Variants in KCTD8 observed in about 807,000 individuals in gnomAD.
KCTD8 encodes the protein BTB/POZ domain-containing protein KCTD8.
KCTD8 carries 27 observed loss-of-function variants against 31.5 expected under a neutral mutation model. That is an observed-to-expected ratio of 0.86 (90% CI 0.63 to 1.18). KCTD8 has a LOEUF of 1.18. Ranked by LOEUF, KCTD8 falls within the 50% of genes most tolerant of loss-of-function variation. The pLI is 0.00. For missense variants in KCTD8, 658 were observed against 647.7 expected, an observed-to-expected ratio of 1.02 and a Z score of -0.17; for synonymous variants, 290 against 280.0, an observed-to-expected ratio of 1.04 and a Z score of -0.36.
chr4:44,374,267 G>A (rs75280433), intron 1 of KCTD8, among the ~76,000 whole-genome samples: 11,811 of 152,182 alleles, frequency 0.078, 495 homozygotes, highest in South Asian at 0.11. Context: ...AGAGAACAGC[G>A]GGCTGACCTA....
At chr4:44,353,663 C>A (rs895545357) in intron 1 of KCTD8, among the ~76,000 whole-genome samples, 1 of 152,022 alleles carries the variant, frequency 6.6e-6, no homozygotes, top group East Asian at 1.9e-4. Context: ...TCTACTGTCT[C>A]CACTAGTTCA....
intron 1 of KCTD8, among the ~76,000 whole-genome samples, chr4:44,429,295 C>G (rs1721416867): frequency 6.6e-6 from 1 of 151,736 alleles, no homozygotes; most frequent in Admixed American, 6.6e-5. Context: ...ATTTTATTTC[C>G]TAATTTAGGC....
chr4:44,231,389 C>G (rs543739415), intron 1 of KCTD8, among the ~76,000 whole-genome samples: 3 of 152,146 alleles, frequency 2.0e-5, no homozygotes, highest in African/African-American at 4.8e-5. Context: ...GCATTCAACT[C>G]CAGGAAGGGA....
rs1720242433 is a variant in KCTD8 at position 44,387,087 on chromosome 4, A to T, written c.961+60476T>A. On this transcript the variant is annotated intron_variant, in intron 1 of 1. Transcript: ENST00000360029. The stretch of plus-strand genomic sequence containing the variant: ...TAGCATTCCTATATACCAACAGTCA[A>T]ACTAAAAGCAAAATCATGAACAAAC... Among the ~76,000 whole-genome samples, 3 of 151,836 alleles carry T rather than the reference A, an allele frequency of 2.0e-5. No homozygotes were observed. The Admixed American group carries it at 2.0e-4, about 10-fold the overall frequency.
chr4:44,194,815 C>CCCTTCCTT (rs1167841653), intron 1 of KCTD8, among the ~76,000 whole-genome samples: 27 of 94,766 alleles, frequency 2.8e-4, no homozygotes, highest in African/African-American at 1.2e-3. Flanking sequence ...CTCCCTCCCT[C>CCCTTCCTT]CCTTCCTTCC....
intron 1 of KCTD8, among the ~76,000 whole-genome samples, chr4:44,444,165 T>C (rs1721882647): frequency 6.6e-6 from 1 of 152,174 alleles, no homozygotes; most frequent in African/African-American, 2.4e-5. Flanking sequence ...ACCCAGTGAC[T>C]TGGATACAAG....
At chr4:44,416,910 T>G (rs969725004) in intron 1 of KCTD8, among the ~76,000 whole-genome samples, 1 of 152,224 alleles carries the variant, frequency 6.6e-6, no homozygotes, top group Non-Finnish European at 1.5e-5. Flanking sequence ...GGGGAATCAC[T>G]GTAACAATAG....
intron 1 of KCTD8, among the ~76,000 whole-genome samples, chr4:44,181,009 T>C (rs78900315): frequency 0.039 from 5,910 of 152,190 alleles, 405 homozygotes; most frequent in African/African-American, 0.14. Context: ...GTAAGTATAG[T>C]CCTAGAAAAC....
intron 1 of KCTD8, among the ~76,000 whole-genome samples, chr4:44,178,960 C>T (rs375461771): frequency 1.1e-4 from 17 of 152,248 alleles, no homozygotes; most frequent in African/African-American, 3.9e-4. Flanking sequence ...CTGGAGGAGA[C>T]ACAACTATGG....
intron 1 of KCTD8, among the ~76,000 whole-genome samples, chr4:44,324,807 C>A (rs1718401007): frequency 6.6e-6 from 1 of 151,938 alleles, no homozygotes. Flanking sequence ...CATCTGGTTG[C>A]TTAACATTCA....
chr4:44,421,138 C>T (rs1212258384), intron 1 of KCTD8, among the ~76,000 whole-genome samples: 2 of 152,120 alleles, frequency 1.3e-5, no homozygotes, highest in Non-Finnish European at 2.9e-5. Flanking sequence ...TGTCTCCATA[C>T]GATTTGACTC....
At chr4:44,349,926 G>A (rs893098811) in intron 1 of KCTD8, among the ~76,000 whole-genome samples, 5 of 152,062 alleles carry the variant, frequency 3.3e-5, no homozygotes, top group African/African-American at 1.2e-4. Flanking sequence ...TTTATAGATA[G>A]TAGAGACCAG....
intron 1 of KCTD8, among the ~76,000 whole-genome samples, chr4:44,346,310 T>A (rs890170498): frequency 3.9e-5 from 6 of 152,136 alleles, no homozygotes; most frequent in Admixed American, 3.9e-4. Flanking sequence ...TCAAAAGATA[T>A]TTATTGGGGA....
rs534004430 is a variant in KCTD8 at position 44,199,213 on chromosome 4, A to G, written c.962-23963T>C. Among the ~76,000 whole-genome samples the G allele has an allele frequency of 3.1e-4, 47 of 152,244 alleles. No homozygotes were observed. In the South Asian group the frequency reaches 7.3e-3, roughly 24 times the overall value. ...CACAATAATAGTAAGGTACTGTAAC[A>G]CCCCACTGATAGCTTTAGACAAATC... On this transcript the variant is annotated intron_variant, in intron 1 of 1. Coordinates refer to ENST00000360029, the MANE Select transcript of KCTD8 (RefSeq NM_198353.3).
At chr4:44,223,432 A>G (rs1714863976) in intron 1 of KCTD8, among the ~76,000 whole-genome samples, 2 of 152,334 alleles carry the variant, frequency 1.3e-5, no homozygotes, top group South Asian at 4.1e-4. Flanking sequence ...TAACAGCATG[A>G]CTATTTTCCA....
chr4:44,313,980 T>C (rs1397665444), intron 1 of KCTD8, among the ~76,000 whole-genome samples: 1 of 152,142 alleles, frequency 6.6e-6, no homozygotes, highest in African/African-American at 2.4e-5. Flanking sequence ...AAGAGGTAAA[T>C]CAGTGGCCAG....
chr4:44,206,983 A>G (rs1438379492), intron 1 of KCTD8, among the ~76,000 whole-genome samples: 1 of 152,220 alleles, frequency 6.6e-6, no homozygotes, highest in Non-Finnish European at 1.5e-5. Flanking sequence ...TCCTTTTAAG[A>G]GCTGACTTTA....
chr4:44,208,953 G>A (rs1487566883), intron 1 of KCTD8, among the ~76,000 whole-genome samples: 1 of 152,012 alleles, frequency 6.6e-6, no homozygotes, highest in Non-Finnish European at 1.5e-5. Context: ...GGAGGATTTT[G>A]TTTGTTTGTT....
intron 1 of KCTD8, among the ~76,000 whole-genome samples, chr4:44,195,839 G>C (rs1341461350): frequency 6.6e-6 from 1 of 152,132 alleles, no homozygotes; most frequent in Non-Finnish European, 1.5e-5. Context: ...TTGAAAAGGA[G>C]AATATAGATG....
Sources: gnomAD v4.1 joint callset for allele counts (sites outside exome capture counted in the v4.1 genomes callset) on GRCh38, gnomAD v4.1.1 for gene constraint, MANE v1.5 for transcripts, NCBI Gene and HGNC (gene_info 2026-07-23, HGNC 2026-07-21) for gene names.